SIN3B: variants seen among roughly 807,000 people sequenced by gnomAD.
SIN3B encodes SIN3 transcription regulator family member B.
Under a neutral mutation model 120.2 loss-of-function variants are expected in SIN3B, and 19 were observed. The ratio of observed to expected loss-of-function variants is 0.16; its 90% CI spans 0.11 to 0.23. The LOEUF is 0.23. Ranked by LOEUF, SIN3B falls within the 10% of genes least tolerant of loss-of-function variation. SIN3B has a pLI of 1.00. For synonymous variants in SIN3B, 654 were observed against 653.2 expected (o/e 1.00, Z -0.02); for missense variants, 1,073 against 1,573.0 (o/e 0.68, Z 5.38).
chr19:16,875,705 G>A (rs2051590855), intron 14 of SIN3B, among the ~76,000 whole-genome samples: 1 of 146,874 alleles, frequency 6.8e-6, no homozygotes, highest in Non-Finnish European at 1.5e-5. Context: ...GGTCGGTTCG[G>A]TCTGGTCTGG....
intron 8 of SIN3B, among the ~76,000 whole-genome samples, chr19:16,857,517 A>ATGTGTGTG (rs72233219): frequency 0.012 from 1,086 of 93,458 alleles, 14 homozygotes; most frequent in African/African-American, 0.031. Context: ...TAAAAAAAAT[A>ATGTGTGTG]TGTGTGTGTG....
chr19:16,870,507 C>T (rs895167986), intron 13 of SIN3B, among the ~76,000 whole-genome samples: 4 of 151,968 alleles, frequency 2.6e-5, no homozygotes, highest in African/African-American at 7.2e-5. Context: ...GCCTTAGCCT[C>T]CCAAGTAGCT....
At chr19:16,831,034 A>G (rs2144568807) in intron 2 of SIN3B, among the ~76,000 whole-genome samples, 1 of 150,212 alleles carries the variant, frequency 6.7e-6, no homozygotes, top group South Asian at 2.1e-4. Flanking sequence ...GAGATAGGTC[A>G]TGGTGTACAG....
intron 6 of SIN3B, 135 bp downstream of exon 6, chr19:16,851,669 C>T: frequency 3.5e-6 from 4 of 1,143,216 alleles, no homozygotes; most frequent in South Asian, 1.8e-5. Context: ...GGTTCACCGG[C>T]AGTGGGACCG....
chr19:16,869,582 G>T lies in SIN3B; in HGVS notation c.1929G>T (p.Arg643=), dbSNP rs1389807652. 6.2e-7 allele frequency: 1 copy of T among 1,613,504 alleles called. No individual in the cohort carries two copies. Among genetic ancestry groups the T allele is most frequent in the Non-Finnish European group, 8.5e-7 (1 of 1,180,024 alleles). ...CGCTCATCAGCTACTACGTGAAGCG[G>T]CAGCCGGCCATCCAGAAGGAGGACC... ...AAALISYYVK[R]QPAIQKEDQG... The change falls in exon 13 of 19, where the codon CGG becomes CGT. Residue 643 remains arginine, a synonymous_variant. Coordinates refer to ENST00000248054, the MANE Select transcript of SIN3B (RefSeq NM_001297595.2).
chr19:16,844,905 G>A (rs987508393), intron 4 of SIN3B, among the ~76,000 whole-genome samples: 1 of 152,180 alleles, frequency 6.6e-6, no homozygotes, highest in Non-Finnish European at 1.5e-5. Context: ...GACAGGGCTG[G>A]CCCCTAGCAC....
chr19:16,846,854 G>A (rs1971485717), intron 4 of SIN3B, 116 bp from the exon 5 acceptor site: 1 of 1,134,650 alleles, frequency 8.8e-7, no homozygotes, highest in African/African-American at 1.5e-5. Flanking sequence ...CTGCGGGCAG[G>A]TGCTCTTTCC....
intron 3 of SIN3B, among the ~76,000 whole-genome samples, chr19:16,837,246 C>A (rs991672946): frequency 6.6e-6 from 1 of 151,948 alleles, no homozygotes; most frequent in African/African-American, 2.4e-5. Context: ...GCGTGAGAAC[C>A]ACTGGATGGT....
chr19:16,847,216 CCA>C (rs1971490585), intron 5 of SIN3B, 103 bp downstream of exon 5: 1 of 1,301,226 alleles, frequency 7.7e-7, no homozygotes. Context: ...ACCCTCCAGG[CCA>C]CACTAGGGTC....
In SIN3B at chr19:16,851,546, C is replaced by A; in HGVS notation, c.849+12C>A. On this transcript the variant is annotated intron_variant, in intron 6 of 18. Transcript: ENST00000248054. Reference sequence around the variant, plus strand: ...CTGCACCCGCCAAGGTACCTGTGAGCCACATGCAGCCATGCCTGCACGCGG... The same window carrying A: ...CTGCACCCGCCAAGGTACCTGTGAGACACATGCAGCCATGCCTGCACGCGG... The A allele has an allele frequency of 6.3e-7, 1 of 1,583,132 alleles. No homozygotes were observed. Among genetic ancestry groups the A allele is most frequent in the Non-Finnish European group, 8.6e-7 (1 of 1,164,698 alleles).
At chr19:16,871,132 A>T in intron 13 of SIN3B, 97 bp from the exon 14 acceptor site, 1 of 1,487,716 alleles carries the variant, frequency 6.7e-7, no homozygotes, top group East Asian at 2.3e-5. Context: ...GTTGGGCCCC[A>T]TGGGGGCATT....
At chr19:16,837,654 G>A (rs923159672) in intron 3 of SIN3B, among the ~76,000 whole-genome samples, 3 of 151,812 alleles carry the variant, frequency 2.0e-5, no homozygotes, top group African/African-American at 4.8e-5. Flanking sequence ...GGGACGGAGT[G>A]GACAGTGATA....
Position 16,879,357 on chromosome 19 carries a change from G to A in SIN3B, c.*630G>A, listed in dbSNP as rs764311965. The A allele has an allele frequency of 6.6e-6, 1 of 152,528 alleles. No individual in the cohort carries two copies. The highest frequency in any genetic ancestry group is 2.4e-5 in the African/African-American group (1 of 41,446). 9.4% of individuals were successfully genotyped at this position (152,528 alleles called of 1,614,324 possible). On this transcript the variant is annotated 3_prime_UTR_variant, in exon 19 of 19. Transcript: ENST00000248054. ...AGTCCAGAGCTGGAGCAGGCGGGCA[G>A]TGCCCTGGGAGACCCCGCTCTGGAT...
intron 14 of SIN3B, among the ~76,000 whole-genome samples, chr19:16,873,532 C>G (rs901280530): frequency 1.3e-5 from 2 of 151,380 alleles, no homozygotes; most frequent in South Asian, 2.1e-4. Flanking sequence ...TCCCCCCCCC[C>G]CCAGGCTGGG....
chr19:16,871,084 G>A, intron 13 of SIN3B, 145 bp from the exon 14 acceptor site: 1 of 1,010,440 alleles, frequency 9.9e-7, no homozygotes, highest in Non-Finnish European at 1.5e-6. Flanking sequence ...GTTTCCTGGT[G>A]ATTCCCACAT....
rs1293137534 is a variant in SIN3B, at chr19:16,862,213, C to T, written c.1059-139C>T. Reference sequence around the variant, plus strand: ...TGACTTCCTGTGTATTGGATTCTTCCGCCTCTCATTCGCATCCATGATGTT... The same window carrying T: ...TGACTTCCTGTGTATTGGATTCTTCTGCCTCTCATTCGCATCCATGATGTT... On this transcript the variant is annotated intron_variant, in intron 8 of 18. Coordinates refer to ENST00000248054, the MANE Select transcript of SIN3B (RefSeq NM_001297595.2). This position sits in a 1 kb window ranked among gnomAD's most constrained non-coding sequence, Gnocchi z 4.7. 14 of 682,736 alleles carry T rather than the reference C, an allele frequency of 2.1e-5. No homozygotes were observed. The highest frequency in any genetic ancestry group is 8.2e-5 in the Admixed American group (3 of 36,410). 42.3% of individuals were successfully genotyped at this position (682,736 alleles called of 1,614,324 possible).
chr19:16,830,751 C>G (rs1971268077), intron 2 of SIN3B, among the ~76,000 whole-genome samples: 1 of 152,252 alleles, frequency 6.6e-6, no homozygotes, highest in South Asian at 2.1e-4. Flanking sequence ...CCATTCTTGG[C>G]AGTACCATTG....
At chr19:16,848,519 A>G (rs1436799761) in intron 5 of SIN3B, among the ~76,000 whole-genome samples, 1 of 148,278 alleles carries the variant, frequency 6.7e-6, no homozygotes, top group East Asian at 2.0e-4. Context: ...ATTTTTTGAG[A>G]CAGGCTCTCT....
chr19:16,877,540 C>A lies in SIN3B; in HGVS notation c.2860-5C>A. 6.2e-7 allele frequency: 1 copy of A among 1,601,950 alleles called. No individual in the cohort carries two copies. The highest frequency in any genetic ancestry group is 8.5e-7 in the Non-Finnish European group (1 of 1,174,534). On this transcript the variant is annotated splice_polypyrimidine_tract_variant and splice_region_variant and intron_variant, in intron 16 of 18. Transcript: ENST00000248054. ...ATCACGGGCTGTGTCTCTCCCTGTCCCCAGCACCTGGCTCGGTACGTGGAG... is the reference window on the plus strand; with the variant it reads ...ATCACGGGCTGTGTCTCTCCCTGTCACCAGCACCTGGCTCGGTACGTGGAG...
Sources: gnomAD v4.1 joint callset for allele counts (sites outside exome capture counted in the v4.1 genomes callset) on GRCh38, gnomAD v4.1.1 for gene constraint, Gnocchi (gnomAD v3.1) non-coding constraint, MANE v1.5 for transcripts, NCBI Gene and HGNC (gene_info 2026-07-23, HGNC 2026-07-21) for gene names.